The following TPSG1 variants were observed in gnomAD, a reference collection of about 807,000 sequenced individuals.
TPSG1 encodes the protein tryptase gamma 1.
Under a neutral mutation model 23.8 loss-of-function variants are expected in TPSG1, and 43 were observed. That is an observed-to-expected ratio of 1.81 (90% CI 1.42 to 2.33). The LOEUF is 2.33. TPSG1 is among the 30% of genes most tolerant of loss of function. The probability of loss-of-function intolerance (pLI) is 0.00; values close to 1 mark genes in which losing one functional copy is unlikely to be tolerated. For synonymous variants in TPSG1, 302 were observed against 201.3 expected, an observed-to-expected ratio of 1.50 and a Z score of -4.23; for missense variants, 623 against 438.6, an observed-to-expected ratio of 1.42 and a Z score of -3.75.
In TPSG1 at chr16:1,222,228, G is replaced by T. The variant is rs575656677; in HGVS notation, c.625C>A (p.Leu209Met). 6.2e-7 allele frequency: 1 copy of T among 1,612,046 alleles called. No homozygotes were observed. The highest frequency in any genetic ancestry group is 8.5e-7 in the Non-Finnish European group (1 of 1,179,844). Residue 209 changes from leucine (L) to methionine (M), a missense_variant, in exon 5 of 6, where the codon CTG becomes ATG. Leu to Met is a conservative substitution (Grantham distance 15). Transcript: ENST00000234798. ...GCATCCCCGGGGCCCCGGGCACACA[G>T]CATGTCGGGCTGAAGGATGCTGCCC... ...PGGSILQPDM[L>M]CARGPGDACQ...
At position 1,222,275 on chromosome 16, in the gene TPSG1, C is replaced by A. The variant is rs143120059; in HGVS notation, c.578G>T (p.Arg193Leu). 6.2e-7 allele frequency: 1 copy of A among 1,611,660 alleles called. No homozygotes were observed. Among genetic ancestry groups the A allele is most frequent in the African/African-American group, 1.3e-5 (1 of 74,962 alleles). Reference protein sequence around the residue: ...KVSVVDTETCRRDYPGPGGSI... With the variant: ...KVSVVDTETCLRDYPGPGGSI... ...GCCCCCGGGGCCGGGATAGTCCCGG[C>A]GGCAGGTCTCTGTGTCCACCACGGA... Residue 193 changes from arginine (R) to leucine (L), a missense_variant, in exon 5 of 6, where the codon CGC becomes CTC. By Grantham distance (102) the Arg-to-Leu change is moderately radical. Coordinates refer to ENST00000234798, the MANE Select transcript of TPSG1 (RefSeq NM_012467.4).
Position 1,221,977 on chromosome 16 carries a change from A to AGG in TPSG1, c.775_776dup (p.Ala260LeufsTer4), listed in dbSNP as rs750400034. The AGG allele has an allele frequency of 6.2e-7, 1 of 1,612,430 alleles. No homozygotes were observed. ...GGCGGCGGATCCAGTTCACGTAGGC[A>AGG]GGGACACGAGTGTAGACTCCCGGCC... On this transcript the variant is annotated frameshift_variant, in exon 6 of 6. Coordinates refer to ENST00000234798, the MANE Select transcript of TPSG1 (RefSeq NM_012467.4). LOFTEE classifies it low-confidence loss of function (END_TRUNC).
Position 1,222,246 on chromosome 16 carries a change from T to C in TPSG1, c.607A>G (p.Ile203Val). ...GCACACAGCATGTCGGGCTGAAGGA[T>C]GCTGCCCCCGGGGCCGGGATAGTCC... The part of the protein sequence containing the change: ...RRDYPGPGGS[I>V]LQPDMLCARG... Residue 203 changes from isoleucine (I) to valine (V), a missense_variant, in exon 5 of 6, where the codon ATC (isoleucine) becomes GTC (valine). Coordinates refer to ENST00000234798, the MANE Select transcript of TPSG1 (RefSeq NM_012467.4). 6.2e-7 allele frequency: 1 copy of C among 1,611,870 alleles called. No individual in the cohort carries two copies. The highest frequency in any genetic ancestry group is 8.5e-7 in the Non-Finnish European group (1 of 1,179,762).
At chr16:1,223,797 G>T (rs1024350105) in intron 2 of TPSG1, 4 of 606,502 alleles carry the variant, frequency 6.6e-6, no homozygotes, top group Non-Finnish European at 1.1e-5. Flanking sequence ...TGGGGCTCAG[G>T]TCGTCCTTTC....
At position 1,224,684 on chromosome 16, in the gene TPSG1, C is replaced by T. The variant is rs984942171; in HGVS notation, c.47-56G>A. The T allele has an allele frequency of 1.7e-5, 27 of 1,610,270 alleles. No individual in the cohort carries two copies. In the Admixed American group the frequency reaches 2.7e-4, roughly 16 times the overall value. The stretch of plus-strand genomic sequence containing the variant: ...GGGGGCTGCCAAGGAGAGGGGTGTG[C>T]GGGCTCCAGAGGCCCCTGCCAGGCC... On this transcript the variant is annotated intron_variant, in intron 1 of 5. Coordinates refer to ENST00000234798, the MANE Select transcript of TPSG1 (RefSeq NM_012467.4).
At chr16:1,224,119 A>C (rs2030017942) in intron 2 of TPSG1, 1 of 191,136 alleles carries the variant, frequency 5.2e-6, no homozygotes. Flanking sequence ...AATTAAGAGG[A>C]AGTCAGCTGG....
Position 1,225,217 on chromosome 16 carries a change from CAGG to C in TPSG1, c.33_35del (p.Leu12del). On this transcript the variant is annotated inframe_deletion, in exon 1 of 6. Coordinates refer to ENST00000234798, the MANE Select transcript of TPSG1 (RefSeq NM_012467.4). ...GGCCAGGTCACCCACCGGGCACAGC[CAGG>C]AGCAGCAGGAGGCCACAGGCCCCAA... is the stretch of plus-strand genomic sequence containing the variant. The C allele has an allele frequency of 1.3e-6, 2 of 1,578,088 alleles. No individual in the cohort carries two copies. Among genetic ancestry groups the C allele is most frequent in the Non-Finnish European group, 1.7e-6 (2 of 1,162,222 alleles).
Position 1,222,921 on chromosome 16 carries a change from G to A in TPSG1, c.246-4C>T, listed in dbSNP as rs2029896757. ...GTAGTCGGATGAGTTCAGGGACCTG[G>A]GAGGGAAGGTGGCTGGGTGAGAGGG... On this transcript the variant is annotated splice_region_variant and splice_polypyrimidine_tract_variant and intron_variant, in intron 3 of 5. Coordinates refer to ENST00000234798, the MANE Select transcript of TPSG1 (RefSeq NM_012467.4). The A allele has an allele frequency of 6.3e-7, 1 of 1,591,338 alleles. No homozygotes were observed. Among genetic ancestry groups the A allele is most frequent in the Non-Finnish European group, 8.6e-7 (1 of 1,165,398 alleles).
At chr16:1,224,307 T>G (rs2030028490) in intron 2 of TPSG1, among the ~76,000 whole-genome samples, 1 of 152,024 alleles carries the variant, frequency 6.6e-6, no homozygotes, top group South Asian at 2.1e-4. Flanking sequence ...CCCAGCTGGT[T>G]CCAGGGCCAC....
chr16:1,222,949 C>A (rs773768439), intron 3 of TPSG1, 32 bp from the exon 4 acceptor site: 2 of 1,572,230 alleles, frequency 1.3e-6, no homozygotes, highest in Admixed American at 3.5e-5. Flanking sequence ...TGAGAGGGGC[C>A]AGCTGCGGAG....
In TPSG1 at chr16:1,221,906, G is replaced by C. The variant is rs1372674261; in HGVS notation, c.848C>G (p.Pro283Arg). 14 of 1,611,428 alleles carry C rather than the reference G, an allele frequency of 8.7e-6. No homozygotes were observed. The highest frequency in any genetic ancestry group is 1.2e-5 in the Non-Finnish European group (14 of 1,179,164). Residue 283 changes from proline to arginine, a missense_variant, in exon 6 of 6, where the codon CCC (proline) becomes CGC (arginine). By Grantham distance (103) the Pro-to-Arg change is moderately radical. Transcript: ENST00000234798. ...GGGGAGGAAGAAGCCAGCCAGGAGG[G>C]GGAGCCTGGGGTACCCAGACTCTGA... ...GGSESGYPRL[P>R]LLAGFFLPGL...
In TPSG1 at chr16:1,222,811, C is replaced by G. The variant is rs1012205863; in HGVS notation, c.352G>C (p.Gly118Arg). Residue 118 changes from glycine (G) to arginine (R), a missense_variant, in exon 4 of 6, where the codon GGA (glycine) becomes CGA (arginine). By Grantham distance (125) the Gly-to-Arg change is moderately radical (BLOSUM62 -2). Coordinates refer to ENST00000234798, the MANE Select transcript of TPSG1 (RefSeq NM_012467.4). The stretch of plus-strand genomic sequence containing the variant: ...ATGTCCCCGCTGGTCCCCGGCTGTC[C>G]TGAGGGGCTGGAGTGCAGGATGATC... ...RQIILHSSPSGQPGTSGDIAL... is the reference protein window; with the variant it reads ...RQIILHSSPSRQPGTSGDIAL... 1 of 1,612,114 alleles carries G rather than the reference C, an allele frequency of 6.2e-7. No homozygotes were observed. Among genetic ancestry groups the G allele is most frequent in the East Asian group, 2.2e-5 (1 of 44,868 alleles).
intron 3 of TPSG1, 42 bp from the exon 4 acceptor site, chr16:1,222,959 G>C (rs775901212): frequency 6.4e-7 from 1 of 1,560,938 alleles, no homozygotes; most frequent in East Asian, 2.3e-5. Context: ...CAGCTGCGGA[G>C]GCTGGAGGTC....
intron 1 of TPSG1, 80 bp from the exon 2 acceptor site, chr16:1,224,708 C>G: frequency 6.3e-7 from 1 of 1,593,994 alleles, no homozygotes; most frequent in Non-Finnish European, 8.6e-7. Context: ...CCCTGCCAGG[C>G]CTCAGGGCGG....
chr16:1,221,928 CTG>C lies in TPSG1; in HGVS notation c.824_825del (p.Ser275Ter). The C allele has an allele frequency of 6.2e-7, 1 of 1,611,570 alleles. No individual in the cohort carries two copies. The highest frequency in any genetic ancestry group is 8.5e-7 in the Non-Finnish European group (1 of 1,179,072). On this transcript the variant is annotated frameshift_variant, in exon 6 of 6. Transcript: ENST00000234798. LOFTEE classifies it low-confidence loss of function (END_TRUNC). ...IRRHITASGG[S>X]ESGYPRLPLL... ...AGGGGGAGCCTGGGGTACCCAGACT[CTG>C]AGCCCCCTGATGCTGTGATGTGGCG...
Position 1,222,795 on chromosome 16 carries a change from C to T in TPSG1, c.368G>A (p.Ser123Asn), listed in dbSNP as rs145769802. The stretch of plus-strand genomic sequence containing the variant: ...GAGCTCCACCAGGGCGATGTCCCCG[C>T]TGGTCCCCGGCTGTCCTGAGGGGCT... ...HSSPSGQPGTSGDIALVELSV... is the reference protein window; with the variant it reads ...HSSPSGQPGTNGDIALVELSV... The change falls in exon 4 of 6, where the codon AGC becomes AAC. Residue 123 changes from serine to asparagine, a missense_variant. By Grantham distance (46) the Ser-to-Asn change is conservative. Coordinates refer to ENST00000234798, the MANE Select transcript of TPSG1 (RefSeq NM_012467.4). 6.6e-5 allele frequency: 106 copies of T among 1,612,330 alleles called. No individual in the cohort carries two copies. In the African/African-American group the frequency reaches 1.3e-3, roughly 20 times the overall value.
Position 1,221,945 on chromosome 16 carries a change from G to A in TPSG1, c.809C>T (p.Thr270Ile), listed in dbSNP as rs143857263. Reference protein sequence around the residue: ...AYVNWIRRHITASGGSESGYP... With the variant: ...AYVNWIRRHIIASGGSESGYP... ...CCCAGACTCTGAGCCCCCTGATGCT[G>A]TGATGTGGCGGCGGATCCAGTTCAC... Residue 270 changes from threonine (T) to isoleucine (I), a missense_variant, in exon 6 of 6, where the codon ACA (threonine) becomes ATA (isoleucine). Coordinates refer to ENST00000234798, the MANE Select transcript of TPSG1 (RefSeq NM_012467.4). The A allele has an allele frequency of 2.5e-6, 4 of 1,612,006 alleles. No individual in the cohort carries two copies. The African/African-American group carries it at 5.3e-5, about 22-fold the overall frequency.
chr16:1,225,125 C>T (rs1423361006), intron 1 of TPSG1, 82 bp downstream of exon 1: 11 of 1,502,264 alleles, frequency 7.3e-6, no homozygotes, highest in Non-Finnish European at 1.8e-6. Flanking sequence ...CGTCTCAGAC[C>T]AGCCCCCAGT....
intron 3 of TPSG1, among the ~76,000 whole-genome samples, 165 bp downstream of exon 3, chr16:1,223,258 C>T (rs549838626): frequency 2.0e-5 from 3 of 152,354 alleles, no homozygotes; most frequent in South Asian, 2.1e-4. Flanking sequence ...AGCTGCAGAA[C>T]CTCACAGAAG....
Sources: allele counts gnomAD v4.1 joint callset (sites outside exome capture counted in the v4.1 genomes callset), GRCh38; gene constraint gnomAD v4.1.1; transcripts MANE v1.5; gene names NCBI Gene and HGNC (gene_info 2026-07-23, HGNC 2026-07-21).